Variants in CNTN3 observed in about 807,000 individuals in gnomAD.
CNTN3 encodes contactin-3.
CNTN3 carries 60 observed loss-of-function variants against 119.1 expected under a neutral mutation model. The observed-to-expected ratio is 0.50, with a 90% CI of 0.41 to 0.62. The LOEUF is 0.62. CNTN3 is among the 20% of genes least tolerant of loss of function. CNTN3 has a pLI of 0.00. For synonymous variants in CNTN3, 450 were observed against 438.7 expected, an observed-to-expected ratio of 1.03 and a Z score of -0.32; for missense variants, 1,101 against 1,242.4, an observed-to-expected ratio of 0.89 and a Z score of 1.71.
chr3:74,387,397 A>G (rs1704777437), intron 5 of CNTN3, among the ~76,000 whole-genome samples: 1 of 152,204 alleles, frequency 6.6e-6, no homozygotes, highest in Admixed American at 6.5e-5. Flanking sequence ...AAAATGTTCC[A>G]AAAAAACTCA....
chr3:74,401,323 C>T (rs1264526595), intron 5 of CNTN3, among the ~76,000 whole-genome samples: 2 of 152,068 alleles, frequency 1.3e-5, no homozygotes, highest in African/African-American at 4.8e-5. Context: ...CCTACTGTAA[C>T]AAAACTAGTT....
chr3:74,469,552 T>C (rs1440195511), intron 4 of CNTN3, among the ~76,000 whole-genome samples: 1 of 152,136 alleles, frequency 6.6e-6, no homozygotes, highest in Non-Finnish European at 1.5e-5. Flanking sequence ...TCTAAATAGA[T>C]ATTTCTCAAA....
intron 4 of CNTN3, among the ~76,000 whole-genome samples, chr3:74,477,490 C>T (rs1702679397): frequency 1.3e-5 from 2 of 151,900 alleles, no homozygotes; most frequent in African/African-American, 4.8e-5. Context: ...GTAAGCCAGG[C>T]ACAGAAAGAC....
chr3:74,591,443 A>G (rs1014119415), intron 1 of CNTN3, among the ~76,000 whole-genome samples: 6 of 151,910 alleles, frequency 3.9e-5, no homozygotes, highest in Non-Finnish European at 7.4e-5. Flanking sequence ...AAGTTATTAC[A>G]GTTTTGCAGT....
At chr3:74,468,274 T>C (rs529618393) in intron 4 of CNTN3, among the ~76,000 whole-genome samples, 246 of 152,306 alleles carry the variant, frequency 1.6e-3, no homozygotes, top group Middle Eastern at 3.4e-3. Flanking sequence ...TATTGATATC[T>C]CAAGCAAAAT....
intron 1 of CNTN3, among the ~76,000 whole-genome samples, chr3:74,565,209 C>A (rs1704208915): frequency 6.6e-6 from 1 of 152,152 alleles, no homozygotes; most frequent in Non-Finnish European, 1.5e-5. Context: ...AAGTCTGAAA[C>A]TGTCTTCTAG....
intron 1 of CNTN3, among the ~76,000 whole-genome samples, chr3:74,600,508 C>G (rs1490845443): frequency 6.6e-6 from 1 of 152,050 alleles, no homozygotes; most frequent in Non-Finnish European, 1.5e-5. Flanking sequence ...CTCTATGAAT[C>G]TTTTTAGTCT....
chr3:74,301,679 G>C lies in CNTN3; in HGVS notation c.1913C>G (p.Pro638Arg). 2 of 1,614,034 alleles carry C rather than the reference G, an allele frequency of 1.2e-6. No homozygotes were observed. The highest frequency in any genetic ancestry group is 2.2e-5 in the South Asian group (2 of 91,082). ...VISYSIQART[P>R]FSVGWQTVTT... is the part of the protein sequence containing the mutation. ...GACGGTTTGCCAACCCACGGAGAAAGGTGTCCGAGCCTGGATAGAATAGGA... is the reference window on the plus strand; with the variant it reads ...GACGGTTTGCCAACCCACGGAGAAACGTGTCCGAGCCTGGATAGAATAGGA... The change falls in exon 15 of 23, where the codon CCT becomes CGT. Residue 638 changes from proline to arginine, a missense_variant. Transcript: ENST00000263665.
At chr3:74,602,295 C>CAAAAAAAAAAAA (rs1167052275) in intron 1 of CNTN3, among the ~76,000 whole-genome samples, 2 of 19,686 alleles carry the variant, frequency 1.0e-4, no homozygotes, top group African/African-American at 2.4e-4. Context: ...GACCTGGTCT[C>CAAAAAAAAAAAA]AAAAAAAAAA....
At chr3:74,291,834 A>T (rs1007799372) in intron 19 of CNTN3, among the ~76,000 whole-genome samples, 3 of 152,120 alleles carry the variant, frequency 2.0e-5, no homozygotes, top group Non-Finnish European at 4.4e-5. Flanking sequence ...CTTTAATTCT[A>T]GCAGCTGGGG....
intron 11 of CNTN3, among the ~76,000 whole-genome samples, chr3:74,353,473 T>C (rs1703861225): frequency 6.6e-6 from 1 of 152,166 alleles, no homozygotes; most frequent in Admixed American, 6.5e-5. Context: ...AATTAAGGCA[T>C]AGGCCGGGTG....
rs570303101 is a variant in CNTN3, at chr3:74,369,344, C to T, written c.791G>A (p.Ser264Asn). ...NPIPQINWRRSDGLPFSSKIK... is the reference protein window; with the variant it reads ...NPIPQINWRRNDGLPFSSKIK... ...TTTGCTGGAAAATGGCAGCCCATCA[C>T]TTCTTCTCCAATTAATCTGAGGTAT... The change falls in exon 8 of 23, where the codon AGT becomes AAT. Residue 264 changes from serine (S) to asparagine (N), a missense_variant. By Grantham distance (46) the Ser-to-Asn change is conservative. Transcript: ENST00000263665. The T allele has an allele frequency of 6.2e-7, 1 of 1,604,518 alleles. No homozygotes were observed. Among genetic ancestry groups the T allele is most frequent in the Non-Finnish European group, 8.5e-7 (1 of 1,175,776 alleles).
At chr3:74,542,941 A>AGATTC (rs1211850423) in intron 1 of CNTN3, among the ~76,000 whole-genome samples, 1 of 152,098 alleles carries the variant, frequency 6.6e-6, no homozygotes, top group Non-Finnish European at 1.5e-5. Flanking sequence ...CAACATACCA[A>AGATTC]GATTCCCATC....
chr3:74,344,558 C>T (rs545799082), intron 11 of CNTN3, among the ~76,000 whole-genome samples: 76 of 57,414 alleles, frequency 1.3e-3, no homozygotes, highest in Non-Finnish European at 2.3e-3. Context: ...CCCGGGTTCA[C>T]GCCATTCTCC....
intron 2 of CNTN3, among the ~76,000 whole-genome samples, chr3:74,516,334 C>T (rs940420161): frequency 3.3e-5 from 5 of 150,154 alleles, no homozygotes; most frequent in African/African-American, 7.5e-5. Context: ...GCAAGAGCAA[C>T]CCCCCTTCTT....
chr3:74,522,993 C>G (rs1457412615), intron 1 of CNTN3, among the ~76,000 whole-genome samples: 1 of 151,830 alleles, frequency 6.6e-6, no homozygotes, highest in South Asian at 2.1e-4. Flanking sequence ...GGGAGAGACA[C>G]ACATTCCACC....
intron 1 of CNTN3, among the ~76,000 whole-genome samples, chr3:74,583,897 A>C (rs1704553902): frequency 6.6e-6 from 1 of 152,190 alleles, no homozygotes; most frequent in Admixed American, 6.5e-5. Context: ...CTTTATATAT[A>C]GACAGACCTA....
At chr3:74,542,663 C>G (rs1011639772) in intron 1 of CNTN3, among the ~76,000 whole-genome samples, 7 of 152,034 alleles carry the variant, frequency 4.6e-5, no homozygotes, top group African/African-American at 1.7e-4. Flanking sequence ...CATGACTGGG[C>G]CATAATCACA....
chr3:74,593,334 G>T (rs1162847975), intron 1 of CNTN3, among the ~76,000 whole-genome samples: 1 of 151,858 alleles, frequency 6.6e-6, no homozygotes, highest in African/African-American at 2.4e-5. Flanking sequence ...TTTCTCTATT[G>T]TTTCGTAACA....
Sources: gnomAD v4.1 joint callset for allele counts (sites outside exome capture counted in the v4.1 genomes callset) on GRCh38, gnomAD v4.1.1 for gene constraint, MANE v1.5 for transcripts, NCBI Gene and HGNC (gene_info 2026-07-23, HGNC 2026-07-21) for gene names.